The following NR2C2 variants were observed in gnomAD, a reference collection of about 807,000 sequenced individuals.
The protein encoded by NR2C2 is Nuclear hormone receptor TR4.
In NR2C2, 6 loss-of-function variants were observed where a neutral mutation model predicts 62.9. That is an observed-to-expected ratio of 0.10 (90% confidence interval 0.05 to 0.19). NR2C2 has a LOEUF of 0.19. Among genes scored for constraint, NR2C2 ranks in the 10% least tolerant of loss-of-function variants. The pLI, the probability that NR2C2 is intolerant of heterozygous loss-of-function variation, is 1.00. For synonymous variants in NR2C2, 272 were observed against 273.8 expected, an observed-to-expected ratio of 0.99 and a Z score of 0.07; for missense variants, 479 against 762.7, an observed-to-expected ratio of 0.63 and a Z score of 4.38.
intron 1 of NR2C2, among the ~76,000 whole-genome samples, chr3:14,950,594 T>G (rs765378627): frequency 1.4e-5 from 2 of 146,540 alleles, no homozygotes; most frequent in Non-Finnish European, 3.0e-5. Context: ...AAGTCCTAAT[T>G]CCCATTGCCA....
At chr3:14,998,046 TA>T (rs1245147107) in intron 1 of NR2C2, among the ~76,000 whole-genome samples, 2 of 152,226 alleles carry the variant, frequency 1.3e-5, no homozygotes, top group African/African-American at 2.4e-5. Flanking sequence ...AATCATGCAA[TA>T]TATGGTGGTC....
rs1245008807 is a variant in NR2C2, at chr3:15,044,421, A to G, written c.*1413A>G. ...AGGGTGATAGTCTTTCTCCTCATAA[A>G]TTGTAGCAACCAGAGTTTACAGCAA... On this transcript the variant is annotated 3_prime_UTR_variant, in exon 14 of 14. Coordinates refer to ENST00000425241, the MANE Select transcript of NR2C2 (RefSeq NM_001291694.2). 1 of 152,138 alleles carries G rather than the reference A, an allele frequency of 6.6e-6. No homozygotes were observed. The highest frequency in any genetic ancestry group is 2.4e-5 in the African/African-American group (1 of 41,420). 9.4% of individuals were successfully genotyped at this position (152,138 alleles called of 1,614,324 possible). A position where few individuals can be genotyped will look rare whatever the true frequency, so the allele number is the denominator to read the frequency against.
chr3:15,013,903 C>A, intron 3 of NR2C2, 114 bp downstream of exon 3: 1 of 1,105,712 alleles, frequency 9.0e-7, no homozygotes, highest in Non-Finnish European at 1.3e-6. Context: ...TCCTTGGGGA[C>A]CTGCAAACAT....
intron 4 of NR2C2, 121 bp downstream of exon 4, chr3:15,016,375 G>A (rs2041512311): frequency 4.5e-6 from 3 of 662,662 alleles, no homozygotes; most frequent in Admixed American, 2.9e-5. Context: ...GGTTTCACAT[G>A]TGAATTCTAC....
chr3:15,016,286 A>G (rs1477167307), intron 4 of NR2C2, 32 bp downstream of exon 4: 11 of 1,483,444 alleles, frequency 7.4e-6, no homozygotes, highest in Non-Finnish European at 1.0e-5. Context: ...TGGCACTTAT[A>G]ATGGGCCAAC....
At chr3:14,958,878 AG>A (rs1179336221) in intron 1 of NR2C2, among the ~76,000 whole-genome samples, 2 of 152,244 alleles carry the variant, frequency 1.3e-5, no homozygotes, top group African/African-American at 4.8e-5. Flanking sequence ...GGGGAGGCTG[AG>A]GCAGGAGAAT....
Position 15,013,909 on chromosome 3 carries a change from A to C in NR2C2, c.273+120A>C, listed in dbSNP as rs770392901. On this transcript the variant is annotated intron_variant, in intron 3 of 13. Coordinates refer to ENST00000425241, the MANE Select transcript of NR2C2 (RefSeq NM_001291694.2). Reference sequence around the variant, plus strand: ...CTGGAAGGTTCCTTGGGGACCTGCAAACATGGCAGGTTGCTGCTTTGGCCA... The same window carrying C: ...CTGGAAGGTTCCTTGGGGACCTGCACACATGGCAGGTTGCTGCTTTGGCCA... The C allele has an allele frequency of 7.7e-6, 8 of 1,036,612 alleles. No homozygotes were observed. In the South Asian group the frequency reaches 1.2e-4, roughly 15 times the overall value. 64.2% of individuals were successfully genotyped at this position (1,036,612 alleles called of 1,614,324 possible). A position where few individuals can be genotyped will look rare whatever the true frequency, so the allele number is the denominator to read the frequency against.
intron 1 of NR2C2, among the ~76,000 whole-genome samples, chr3:14,987,576 C>T (rs2040545877): frequency 6.6e-6 from 1 of 152,100 alleles, no homozygotes; most frequent in East Asian, 1.9e-4. Context: ...TAAAAATAGT[C>T]ATTTCCACCT....
At chr3:14,973,538 A>G (rs1461915231) in intron 1 of NR2C2, among the ~76,000 whole-genome samples, 4 of 152,144 alleles carry the variant, frequency 2.6e-5, no homozygotes. Context: ...ATGTCTCCTT[A>G]TAATTTTAGA....
intron 2 of NR2C2, among the ~76,000 whole-genome samples, chr3:15,007,128 CTTTTT>C (rs1189765777): frequency 7.4e-6 from 1 of 134,696 alleles, no homozygotes; most frequent in Non-Finnish European, 1.6e-5. Context: ...CCTGACCTCT[CTTTTT>C]TTTTTTTTTT....
At chr3:14,989,844 A>AT (rs1469130458) in intron 1 of NR2C2, among the ~76,000 whole-genome samples, 2 of 148,950 alleles carry the variant, frequency 1.3e-5, no homozygotes, top group Non-Finnish European at 3.0e-5. Context: ...AGATAAGAGA[A>AT]TCGCTTGAAC....
chr3:15,001,630 T>C (rs1256418002), intron 1 of NR2C2, among the ~76,000 whole-genome samples: 1 of 152,128 alleles, frequency 6.6e-6, no homozygotes, highest in Admixed American at 6.5e-5. Context: ...CCACTGTGCC[T>C]GGCCTTGTTT....
intron 1 of NR2C2, among the ~76,000 whole-genome samples, chr3:14,969,797 CTT>C (rs761663142): frequency 2.0e-5 from 3 of 152,166 alleles, no homozygotes; most frequent in Non-Finnish European, 2.9e-5. Flanking sequence ...CTTATGACCT[CTT>C]TATTCTTTTT....
At chr3:15,037,209 T>TTGTGTGTGTGTGTG (rs373045181) in intron 11 of NR2C2, among the ~76,000 whole-genome samples, 1 of 130,240 alleles carries the variant, frequency 7.7e-6, no homozygotes, top group African/African-American at 3.0e-5. Context: ...TGTTTTTTGT[T>TTGTGTGTGTGTGTG]TGTGTGTGTG....
chr3:15,030,137 C>T, intron 8 of NR2C2, 138 bp from the exon 9 acceptor site: 1 of 751,748 alleles, frequency 1.3e-6, no homozygotes, highest in Non-Finnish European at 2.1e-6. Flanking sequence ...CCAGCCTGGC[C>T]AACATAGTGA....
At position 15,042,966 on chromosome 3, in the gene NR2C2, G is replaced by A; in HGVS notation, c.1749G>A (p.Glu583=). The A allele has an allele frequency of 1.2e-6, 2 of 1,614,222 alleles. No homozygotes were observed. Among genetic ancestry groups the A allele is most frequent in the Admixed American group, 1.7e-5 (1 of 60,030 alleles). Residue 583 remains glutamate, a synonymous_variant, in exon 14 of 14, where the codon GAG becomes GAA. Coordinates refer to ENST00000425241, the MANE Select transcript of NR2C2 (RefSeq NM_001291694.2). ...TAATCCCCTACATCCTCAAGATGGA[G>A]ACAGCAGAGTATAATGGCCAGATCA... ...DSIIPYILKM[E]TAEYNGQITG...
intron 13 of NR2C2, 131 bp downstream of exon 13, chr3:15,039,358 C>CT (rs750805584): frequency 1.9e-4 from 122 of 654,902 alleles, no homozygotes; most frequent in Middle Eastern, 6.7e-4. Flanking sequence ...GGATCACACT[C>CT]TAATTCTTGA....
At position 15,044,967 on chromosome 3, in the gene NR2C2, A is replaced by T. The variant is rs945002829; in HGVS notation, c.*1959A>T. ...CTTGCCTTGGCAGCAAATTTTGGAG[A>T]GTAGTGGGAGTGGCCATTATAAAAT... On this transcript the variant is annotated 3_prime_UTR_variant, in exon 14 of 14. Transcript: ENST00000425241. 3 of 152,164 alleles carry T rather than the reference A, an allele frequency of 2.0e-5. No homozygotes were observed. The highest frequency in any genetic ancestry group is 4.4e-5 in the Non-Finnish European group (3 of 68,024). The allele number at this position is 152,164 out of a possible 1,614,324, so 9.4% of individuals were successfully genotyped here. A position where few individuals can be genotyped will look rare whatever the true frequency, so the allele number is the denominator to read the frequency against.
intron 1 of NR2C2, among the ~76,000 whole-genome samples, chr3:14,953,442 T>G (rs192477623): frequency 6.6e-6 from 1 of 152,092 alleles, no homozygotes; most frequent in East Asian, 1.9e-4. Flanking sequence ...TGCTGAAAAG[T>G]GAAGAGAAAT....
Sources: allele counts gnomAD v4.1 joint callset (sites outside exome capture counted in the v4.1 genomes callset), GRCh38; gene constraint gnomAD v4.1.1; transcripts MANE v1.5; gene names NCBI Gene and HGNC (gene_info 2026-07-23, HGNC 2026-07-21).